Variants in NHSL3 observed in about 807,000 individuals in gnomAD.
The protein encoded by NHSL3 is NHS like 3.
chr1:32,756,335 A>G, the NHSL3 span, among the ~76,000 whole-genome samples: 1 of 151,968 alleles, frequency 6.6e-6, no homozygotes, highest in Non-Finnish European at 1.5e-5. Context: ...GCTGTGGGGT[A>G]TGGCCGTGAG....
At chr1:32,765,599 A>G in the NHSL3 span, 1 of 1,500,118 alleles carries the variant, frequency 6.7e-7, no homozygotes, top group Non-Finnish European at 8.9e-7. Context: ...CGAAGGTGGG[A>G]GGAGGACATG....
the NHSL3 span, chr1:32,771,550 G>A: frequency 1.2e-6 from 2 of 1,606,280 alleles, no homozygotes; most frequent in Non-Finnish European, 1.7e-6. Context: ...CCCCCCACCA[G>A]AGGAGGCTTT....
chr1:32,743,291 GGA>G, the NHSL3 span, among the ~76,000 whole-genome samples: 1 of 152,200 alleles, frequency 6.6e-6, no homozygotes, highest in African/African-American at 2.4e-5. Context: ...ACCTCTTCTG[GGA>G]GAGTTAGAAG....
the NHSL3 span, chr1:32,768,923 T>A: frequency 2.3e-5 from 23 of 994,794 alleles, no homozygotes; most frequent in African/African-American, 3.3e-4. Context: ...TGCACATTCG[T>A]GATACACACT....
chr1:32,754,086 C>T, the NHSL3 span: 3 of 667,676 alleles, frequency 4.5e-6, no homozygotes. Context: ...CTCCCGCACC[C>T]GCAATGGGGA....
the NHSL3 span, chr1:32,771,349 T>A: frequency 6.3e-7 from 1 of 1,592,360 alleles, no homozygotes; most frequent in Non-Finnish European, 8.6e-7. Context: ...TCCTGTCATC[T>A]CCAAAGACCA....
the NHSL3 span, chr1:32,754,133 G>A: frequency 1.4e-6 from 1 of 712,212 alleles, no homozygotes; most frequent in Non-Finnish European, 2.6e-6. Flanking sequence ...AGCGGTCCCC[G>A]GGTCCGCAGC....
chr1:32,763,796 ACTC>A, the NHSL3 span, among the ~76,000 whole-genome samples: 14 of 151,174 alleles, frequency 9.3e-5, no homozygotes, highest in African/African-American at 3.4e-4. Flanking sequence ...CTGGTCTCAA[ACTC>A]CTGACCTCAG....
the NHSL3 span, among the ~76,000 whole-genome samples, chr1:32,752,903 A>ACG: frequency 2.1e-4 from 2 of 9,390 alleles, no homozygotes; most frequent in African/African-American, 6.2e-4. Context: ...AAAAACATGC[A>ACG]CACACACACA....
chr1:32,752,996 T>C, the NHSL3 span, among the ~76,000 whole-genome samples: 2 of 136,074 alleles, frequency 1.5e-5, no homozygotes, highest in South Asian at 4.7e-4. Flanking sequence ...TGAGACGGAG[T>C]CTTGCTCTGT....
chr1:32,757,985 T>A, the NHSL3 span, among the ~76,000 whole-genome samples: 1 of 152,106 alleles, frequency 6.6e-6, no homozygotes, highest in African/African-American at 2.4e-5. Flanking sequence ...CATTAAAGCC[T>A]CCAAGCGCTT....
At chr1:32,743,910 C>G in the NHSL3 span, among the ~76,000 whole-genome samples, 1 of 152,172 alleles carries the variant, frequency 6.6e-6, no homozygotes, top group Admixed American at 6.5e-5. Flanking sequence ...TGGAGGTGGC[C>G]CTGGGTATGA....
the NHSL3 span, chr1:32,771,699 A>G: frequency 2.5e-5 from 40 of 1,612,048 alleles, no homozygotes; most frequent in Non-Finnish European, 7.6e-6. Context: ...CAGCTCCGCC[A>G]GCCCCAGCTC....
the NHSL3 span, chr1:32,771,619 TCCCC>T: frequency 1.2e-6 from 2 of 1,612,680 alleles, no homozygotes; most frequent in South Asian, 1.1e-5. Context: ...GCTTGTCAGC[TCCCC>T]GGCTGCTTCG....
chr1:32,742,008 G>T, the NHSL3 span: 1 of 1,224,668 alleles, frequency 8.2e-7, no homozygotes. Flanking sequence ...CGGGGAACCC[G>T]GGCGGCCCCC....
the NHSL3 span, among the ~76,000 whole-genome samples, chr1:32,754,424 C>T: frequency 6.6e-6 from 1 of 151,980 alleles, no homozygotes; most frequent in Admixed American, 6.6e-5. Context: ...AATGTACGGA[C>T]ACGCAGACAC....
At chr1:32,767,870 A>G in the NHSL3 span, 10 of 1,613,806 alleles carry the variant, frequency 6.2e-6, no homozygotes, top group Middle Eastern at 1.6e-4. Flanking sequence ...GCACCAGGAC[A>G]ACGTCTTCTT....
chr1:32,754,731 C>G, the NHSL3 span, among the ~76,000 whole-genome samples: 2 of 152,160 alleles, frequency 1.3e-5, no homozygotes, highest in Admixed American at 6.5e-5. Context: ...ACGCTTATTT[C>G]CCAGATCTTA....
the NHSL3 span, chr1:32,771,496 C>G: frequency 1.3e-6 from 2 of 1,584,822 alleles, no homozygotes; most frequent in Non-Finnish European, 1.7e-6. Context: ...GCCCCCTCCC[C>G]CACCCCCTGC....
Sources: gnomAD v4.1 joint callset for allele counts (sites outside exome capture counted in the v4.1 genomes callset) on GRCh38, gnomAD v4.1.1 for gene constraint, MANE v1.5 for transcripts, NCBI Gene and HGNC (gene_info 2026-07-23, HGNC 2026-07-21) for gene names.